The following CFAP61 variants were observed in gnomAD, a reference collection of about 807,000 sequenced individuals.
CFAP61 encodes the protein cilia- and flagella-associated protein 61.
In CFAP61, 107 loss-of-function variants were observed where a neutral mutation model predicts 135.6. The observed-to-expected ratio is 0.79, with a 90% CI of 0.67 to 0.93. The LOEUF (loss-of-function observed/expected upper bound fraction) is 0.93, where lower values mean the gene tolerates loss of function less well. Among genes scored for constraint, CFAP61 ranks in the 40% least tolerant of loss-of-function variants. The pLI, the probability that CFAP61 is intolerant of heterozygous loss-of-function variation, is 0.00. For missense variants in CFAP61, 1,507 were observed against 1,556.2 expected, an observed-to-expected ratio of 0.97 and a Z score of 0.53; for synonymous variants, 575 against 578.5, an observed-to-expected ratio of 0.99 and a Z score of 0.09.
intron 18 of CFAP61, among the ~76,000 whole-genome samples, chr20:20,229,814 A>G (rs1176467556): frequency 1.3e-5 from 2 of 152,244 alleles, no homozygotes; most frequent in Non-Finnish European, 2.9e-5. Flanking sequence ...TGTGCTTTGA[A>G]TAATGTGGTC....
At chr20:20,057,890 T>C (rs1054253740) in intron 2 of CFAP61, among the ~76,000 whole-genome samples, 4 of 151,814 alleles carry the variant, frequency 2.6e-5, no homozygotes, top group Admixed American at 1.3e-4. Context: ...GCTGTTTTTG[T>C]TTGTTTGTTT....
chr20:20,063,946 G>GTA (rs1600372352), intron 2 of CFAP61, among the ~76,000 whole-genome samples: 1 of 151,290 alleles, frequency 6.6e-6, no homozygotes, highest in East Asian at 1.9e-4. Context: ...AAAGTACCTA[G>GTA]TATAAAACTG....
At chr20:20,085,156 C>G (rs948317504) in intron 6 of CFAP61, 1 of 985,454 alleles carries the variant, frequency 1.0e-6, no homozygotes, top group African/African-American at 1.7e-5. Flanking sequence ...TGCGGCCTGT[C>G]AGTGCCAGGG....
chr20:20,269,140 TATATATAC>T (rs202095519), intron 21 of CFAP61, among the ~76,000 whole-genome samples: 7 of 86,406 alleles, frequency 8.1e-5, no homozygotes, highest in East Asian at 7.1e-4. Flanking sequence ...TATATATATA[TATATATAC>T]ACACACACAC....
At chr20:20,168,702 C>CA (rs1395856723) in intron 12 of CFAP61, among the ~76,000 whole-genome samples, 1 of 152,176 alleles carries the variant, frequency 6.6e-6, no homozygotes, top group Non-Finnish European at 1.5e-5. Context: ...ACTGTACTGA[C>CA]AGGGCAGGCC....
intron 8 of CFAP61, among the ~76,000 whole-genome samples, chr20:20,126,837 C>A (rs1455528242): frequency 1.3e-5 from 2 of 151,876 alleles, no homozygotes; most frequent in Non-Finnish European, 2.9e-5. Flanking sequence ...TTCTCTTCTT[C>A]CTCAGGAATA....
At chr20:20,091,021 AG>A in intron 7 of CFAP61, 45 bp downstream of exon 7, 1 of 1,606,986 alleles carries the variant, frequency 6.2e-7, no homozygotes, top group Non-Finnish European at 8.5e-7. Flanking sequence ...GAGAGGAAGG[AG>A]GGATGTGAGT....
chr20:20,296,717 A>G (rs749415495), intron 24 of CFAP61, among the ~76,000 whole-genome samples: 5 of 152,206 alleles, frequency 3.3e-5, no homozygotes, highest in African/African-American at 7.2e-5. Flanking sequence ...GTGACCGTTA[A>G]CATTTTGTGA....
At chr20:20,153,261 C>G (rs191677135) in intron 9 of CFAP61, among the ~76,000 whole-genome samples, 8 of 152,086 alleles carry the variant, frequency 5.3e-5, no homozygotes, top group Admixed American at 1.3e-4. Context: ...ATGCCTACAT[C>G]GAAAAGTCTG....
chr20:20,144,493 CA>C (rs1379886164), intron 9 of CFAP61, among the ~76,000 whole-genome samples: 1 of 151,492 alleles, frequency 6.6e-6, no homozygotes, highest in Admixed American at 6.6e-5. Context: ...GAACTTGAAA[CA>C]AATATAAATG....
At chr20:20,200,987 T>A (rs117740528) in intron 17 of CFAP61, 4 of 980,094 alleles carry the variant, frequency 4.1e-6, no homozygotes, top group South Asian at 4.7e-5. Context: ...TAACAAAAAA[T>A]TTATATCATT....
intron 21 of CFAP61, among the ~76,000 whole-genome samples, chr20:20,274,819 A>G (rs1247620324): frequency 2.0e-5 from 3 of 152,232 alleles, no homozygotes; most frequent in African/African-American, 7.2e-5. Context: ...ATATAACATT[A>G]TATTATCACG....
rs1472726122 is a variant in CFAP61, at chr20:20,288,704, T to C, written c.2892T>C (p.Asp964=). 3.7e-6 allele frequency: 6 copies of C among 1,614,134 alleles called. No individual in the cohort carries two copies. The highest frequency in any genetic ancestry group is 1.1e-5 in the South Asian group (1 of 91,070). The stretch of plus-strand genomic sequence containing the variant: ...TGTATGACAGTCGACTTGTGATTGA[T>C]ACCAACTTCCACACCAACGACATAG... ...CLVYDSRLVI[D]TNFHTNDIAI... The change falls in exon 23 of 27, where the codon GAT becomes GAC. Residue 964 remains aspartate (D), a synonymous_variant. Transcript: ENST00000245957.
intron 10 of CFAP61, among the ~76,000 whole-genome samples, chr20:20,160,039 C>T (rs2053265910): frequency 6.6e-6 from 1 of 152,238 alleles, no homozygotes; most frequent in Non-Finnish European, 1.5e-5. Flanking sequence ...CCCTTCTGTT[C>T]CCTGCCAGAA....
rs754588337 is a variant in CFAP61, at chr20:20,251,777, CAG to C, written c.2328+15_2328+16del. Reference sequence around the variant, plus strand: ...CAGCAGTACCAGGTAAGGCCGGGCACAGGGGGCGCAAGCCACGTGTCTGGAGA... The same window carrying C: ...CAGCAGTACCAGGTAAGGCCGGGCACGGGGCGCAAGCCACGTGTCTGGAGA... On this transcript the variant is annotated intron_variant, in intron 20 of 26. Transcript: ENST00000245957. The C allele has an allele frequency of 1.9e-5, 30 of 1,611,888 alleles. No homozygotes were observed. The highest frequency in any genetic ancestry group is 9.9e-5 in the South Asian group (9 of 91,036).
chr20:20,116,015 CAT>C lies in CFAP61; in HGVS notation c.859+17205_859+17206del, dbSNP rs1756639297. ...GTTTTTTAGTTTTTTGAGGAAACTC[CAT>C]ATAGTTTTCCATAGTGATTGTACTA... On this transcript the variant is annotated intron_variant, in intron 8 of 26. Transcript: ENST00000245957. Among the ~76,000 whole-genome samples, 3 of 152,110 alleles carry C rather than the reference CAT, an allele frequency of 2.0e-5. No individual in the cohort carries two copies. The South Asian group carries it at 6.2e-4, about 32-fold the overall frequency.
At chr20:20,055,491 G>A (rs941259154) in intron 1 of CFAP61, among the ~76,000 whole-genome samples, 15 of 152,132 alleles carry the variant, frequency 9.9e-5, no homozygotes, top group African/African-American at 3.4e-4. Context: ...TTAATTCTCT[G>A]TTTGGAGTGA....
intron 26 of CFAP61, among the ~76,000 whole-genome samples, chr20:20,348,743 T>C (rs1010771970): frequency 7.4e-6 from 1 of 134,604 alleles, no homozygotes; most frequent in Non-Finnish European, 1.6e-5. Flanking sequence ...ATCATCTCAA[T>C]TGGTGCAGAA....
chr20:20,277,731 G>T (rs2053881682), intron 22 of CFAP61, among the ~76,000 whole-genome samples: 1 of 152,200 alleles, frequency 6.6e-6, no homozygotes, highest in Non-Finnish European at 1.5e-5. Context: ...ACTCAGCTGG[G>T]AAGTTCTCAC....
Sources: gnomAD v4.1 joint callset for allele counts (sites outside exome capture counted in the v4.1 genomes callset) on GRCh38, gnomAD v4.1.1 for gene constraint, MANE v1.5 for transcripts, NCBI Gene and HGNC (gene_info 2026-07-23, HGNC 2026-07-21) for gene names.